Variants in MAML2 observed in about 807,000 individuals in gnomAD.
MAML2 encodes the protein mastermind like transcriptional coactivator 2.
In MAML2, 22 loss-of-function variants were observed where a neutral mutation model predicts 96.1. The ratio of observed to expected loss-of-function variants is 0.23; its 90% CI spans 0.16 to 0.33. MAML2 has a LOEUF of 0.33. MAML2 is among the 10% of genes least tolerant of loss of function. The pLI is 1.00. For missense variants in MAML2, 1,367 were observed against 1,392.4 expected (o/e 0.98, Z 0.29); for synonymous variants, 561 against 521.3 (o/e 1.08, Z -1.04).
chr11:96,168,331 A>G (rs1197909944), intron 1 of MAML2, among the ~76,000 whole-genome samples: 1 of 152,212 alleles, frequency 6.6e-6, no homozygotes, highest in Non-Finnish European at 1.5e-5. Context: ...AGCTGACTGA[A>G]TTAGTAGATA....
At chr11:96,111,720 A>G (rs1391099561) in intron 1 of MAML2, among the ~76,000 whole-genome samples, 4 of 152,216 alleles carry the variant, frequency 2.6e-5, no homozygotes, top group Admixed American at 6.5e-5. Context: ...AATTAAAGAA[A>G]AGCTTTGAAA....
intron 1 of MAML2, among the ~76,000 whole-genome samples, chr11:96,247,136 T>C (rs1169873290): frequency 6.6e-6 from 1 of 152,112 alleles, no homozygotes; most frequent in Non-Finnish European, 1.5e-5. Flanking sequence ...CATTAATGTC[T>C]TTCTAGCCTC....
chr11:96,168,047 A>C (rs1203875077), intron 1 of MAML2, among the ~76,000 whole-genome samples: 1 of 152,214 alleles, frequency 6.6e-6, no homozygotes, highest in Admixed American at 6.5e-5. Flanking sequence ...AGCTTTGAGA[A>C]GAGTATATCA....
intron 2 of MAML2, among the ~76,000 whole-genome samples, chr11:96,003,686 T>G (rs1858132814): frequency 6.6e-6 from 1 of 152,054 alleles, no homozygotes; most frequent in Non-Finnish European, 1.5e-5. Flanking sequence ...TAAGAACAAA[T>G]AGCATAAAGT....
intron 2 of MAML2, among the ~76,000 whole-genome samples, chr11:96,015,104 G>A (rs1418151839): frequency 1.3e-5 from 2 of 152,136 alleles, no homozygotes; most frequent in African/African-American, 4.8e-5. Flanking sequence ...TGAGCCAAAA[G>A]TCTATCTCAG....
At chr11:95,991,397 C>G in intron 3 of MAML2, 123 bp downstream of exon 3, 1 of 902,428 alleles carries the variant, frequency 1.1e-6, no homozygotes, top group Non-Finnish European at 1.8e-6. Flanking sequence ...ATTATCCTCT[C>G]TTACAGTCAG....
At chr11:96,201,456 A>G (rs1371144395) in intron 1 of MAML2, among the ~76,000 whole-genome samples, 2 of 152,226 alleles carry the variant, frequency 1.3e-5, no homozygotes, top group South Asian at 4.1e-4. Context: ...GTTTTGTTCA[A>G]TATGTTTCAA....
intron 1 of MAML2, among the ~76,000 whole-genome samples, chr11:96,297,667 C>T (rs997108934): frequency 2.0e-5 from 3 of 152,108 alleles, no homozygotes; most frequent in Non-Finnish European, 4.4e-5. Context: ...GAATTTCAAA[C>T]ATACATAAAT....
chr11:96,085,501 G>A (rs1299609143), intron 2 of MAML2, among the ~76,000 whole-genome samples: 4 of 152,134 alleles, frequency 2.6e-5, no homozygotes, highest in Non-Finnish European at 5.9e-5. Flanking sequence ...AAACTAATTA[G>A]AATGAGTGCA....
At chr11:96,059,450 G>A (rs16922968) in intron 2 of MAML2, among the ~76,000 whole-genome samples, 2,037 of 152,188 alleles carry the variant, frequency 0.013, 45 homozygotes, top group African/African-American at 0.046. Context: ...CTCTGTGCAT[G>A]GTTTATGATA....
chr11:96,097,367 A>T (rs1859848709), intron 1 of MAML2, among the ~76,000 whole-genome samples: 1 of 152,174 alleles, frequency 6.6e-6, no homozygotes, highest in Admixed American at 6.5e-5. Flanking sequence ...TGGGGGCAGG[A>T]CTATGGGAGT....
chr11:96,013,052 T>G (rs1036873786), intron 2 of MAML2, among the ~76,000 whole-genome samples: 1 of 152,208 alleles, frequency 6.6e-6, no homozygotes, highest in Admixed American at 6.5e-5. Context: ...TCTTTCAACA[T>G]GTACATTTCA....
intron 1 of MAML2, among the ~76,000 whole-genome samples, chr11:96,167,241 T>G (rs1861208674): frequency 6.6e-6 from 1 of 152,208 alleles, no homozygotes; most frequent in African/African-American, 2.4e-5. Context: ...CTCTCCTGCC[T>G]CAAACAAGTG....
chr11:96,043,657 A>G (rs1352548685), intron 2 of MAML2, among the ~76,000 whole-genome samples: 3 of 152,250 alleles, frequency 2.0e-5, no homozygotes, highest in Non-Finnish European at 4.4e-5. Context: ...AACAAAAACT[A>G]AATGGATGAT....
chr11:96,258,926 G>C (rs543425267), intron 1 of MAML2, among the ~76,000 whole-genome samples: 1 of 152,300 alleles, frequency 6.6e-6, no homozygotes, highest in African/African-American at 2.4e-5. Flanking sequence ...AGCTGTAGAA[G>C]GGAGAGGACT....
At chr11:96,165,021 C>T (rs931959153) in intron 1 of MAML2, among the ~76,000 whole-genome samples, 3 of 152,170 alleles carry the variant, frequency 2.0e-5, no homozygotes, top group South Asian at 2.1e-4. Context: ...GAATATTATA[C>T]AGAAGAAAAC....
chr11:96,054,745 G>C (rs976602636), intron 2 of MAML2, among the ~76,000 whole-genome samples: 17 of 151,998 alleles, frequency 1.1e-4, no homozygotes, highest in African/African-American at 4.1e-4. Flanking sequence ...AGGCATTTTT[G>C]CAGTTATCAT....
At chr11:96,100,643 G>A (rs1343575188) in intron 1 of MAML2, among the ~76,000 whole-genome samples, 2 of 151,668 alleles carry the variant, frequency 1.3e-5, no homozygotes, top group Non-Finnish European at 2.9e-5. Flanking sequence ...AGGGTCAGAG[G>A]AGGCATATTA....
chr11:96,311,237 A>C (rs778455906), intron 1 of MAML2, among the ~76,000 whole-genome samples: 20 of 152,240 alleles, frequency 1.3e-4, no homozygotes, highest in Non-Finnish European at 1.9e-4. Flanking sequence ...ATGTGAGTCC[A>C]TTCCTGGCAT....
Sources: allele counts gnomAD v4.1 joint callset (sites outside exome capture counted in the v4.1 genomes callset), GRCh38; gene constraint gnomAD v4.1.1; transcripts MANE v1.5; gene names NCBI Gene and HGNC (gene_info 2026-07-23, HGNC 2026-07-21).